PAXIP1: variants seen among roughly 807,000 people sequenced by gnomAD.
PAXIP1 encodes the protein PAX-interacting protein 1.
PAXIP1 carries 19 observed loss-of-function variants against 140.6 expected under a neutral mutation model. The ratio of observed to expected loss-of-function variants is 0.14; its 90% CI spans 0.09 to 0.20. The LOEUF (loss-of-function observed/expected upper bound fraction) is 0.20, where lower values mean the gene tolerates loss of function less well. Ranked by LOEUF, PAXIP1 falls within the 10% of genes least tolerant of loss-of-function variation. PAXIP1 has a pLI of 1.00. For missense variants in PAXIP1, 920 were observed against 1,208.6 expected, an observed-to-expected ratio of 0.76 and a Z score of 3.54; for synonymous variants, 442 against 444.6, an observed-to-expected ratio of 0.99 and a Z score of 0.07.
chr7:155,002,916 G>A lies in PAXIP1; in HGVS notation c.14C>T (p.Ala5Val), dbSNP rs1308778960. The change falls in exon 1 of 21, where the codon GCG becomes GTG. Residue 5 changes from alanine to valine, a missense_variant. Transcript: ENST00000404141. The part of the protein sequence containing the change: MSDQ[A>V]PKVPEEMFRE... Reference sequence around the variant, plus strand: ...GAACATCTCCTCAGGAACTTTGGGCGCCTGGTCCGACATGATCGCGGCGGC... The same window carrying A: ...GAACATCTCCTCAGGAACTTTGGGCACCTGGTCCGACATGATCGCGGCGGC... The A allele has an allele frequency of 1.5e-6, 2 of 1,364,052 alleles. No homozygotes were observed. The highest frequency in any genetic ancestry group is 1.9e-6 in the Non-Finnish European group (2 of 1,034,144). The allele number at this position is 1,364,052 out of a possible 1,614,324, so 84.5% of individuals were successfully genotyped here.
At position 154,961,549 on chromosome 7, in the gene PAXIP1, T is replaced by A. The variant is rs755403460; in HGVS notation, c.2227A>T (p.Asn743Tyr). ...TACTCTTTACAGATGAGGACTGTGT[T>A]GCTGCGGCATAGATAACCCGTATAT... ...AKYTGYLCRS[N>Y]TVLICKEPTG... Residue 743 changes from asparagine to tyrosine, a missense_variant, in exon 11 of 21, where the codon AAC (asparagine) becomes TAC (tyrosine). Transcript: ENST00000404141. The A allele has an allele frequency of 6.2e-7, 1 of 1,607,232 alleles. No homozygotes were observed.
Position 154,986,448 on chromosome 7 carries a change from G to A in PAXIP1, c.325-3116C>T, listed in dbSNP as rs975512523. 6.6e-6 allele frequency among the ~76,000 whole-genome samples: 1 copy of A among 152,144 alleles called. No homozygotes were observed. Among genetic ancestry groups the A allele is most frequent in the African/African-American group, 2.4e-5 (1 of 41,420 alleles). The stretch of plus-strand genomic sequence containing the variant: ...CCCAAGGCCTGACCCCTCCTAGACT[G>A]TATGTTTACTGAGAGAGAAATCGCA... On this transcript the variant is annotated intron_variant, in intron 4 of 20. Coordinates refer to ENST00000404141, the MANE Select transcript of PAXIP1 (RefSeq NM_007349.4). This position sits in a 1 kb window ranked among gnomAD's most constrained non-coding sequence, Gnocchi z 4.8.
upstream of PAXIP1, chr7:155,003,143 C>T (rs1336343597): frequency 6.6e-6 from 1 of 151,442 alleles, no homozygotes; most frequent in Non-Finnish European, 1.5e-5. Context: ...CGCGCGCGCC[C>T]TGCGGGACGC....
At chr7:154,962,224 G>A (rs1309248006) in intron 10 of PAXIP1, 97 bp downstream of exon 10, 12 of 1,340,520 alleles carry the variant, frequency 9.0e-6, no homozygotes, top group Non-Finnish European at 1.3e-5. Flanking sequence ...CTCTGACTCA[G>A]AAGCCAACGC....
Position 154,968,464 on chromosome 7 carries a change from T to C in PAXIP1, c.1737A>G (p.Gln579=). ...PPQQPPQQQQ[Q]QQPPPSPQQH... is the part of the protein sequence containing the mutation. ...GCTGAGGCGATGGTGGTGGCTGCTG[T>C]TGCTGCTGCTGCTGCGGGGGCTGCT... The change falls in exon 7 of 21, where the codon CAA becomes CAG. Residue 579 remains glutamine, a synonymous_variant. Coordinates refer to ENST00000404141, the MANE Select transcript of PAXIP1 (RefSeq NM_007349.4). 2 of 1,399,748 alleles carry C rather than the reference T, an allele frequency of 1.4e-6. No homozygotes were observed. The highest frequency in any genetic ancestry group is 9.9e-7 in the Non-Finnish European group (1 of 1,008,352). The allele number at this position is 1,399,748 out of a possible 1,614,324, so 86.7% of individuals were successfully genotyped here.
intron 20 of PAXIP1, chr7:154,944,505 C>G (rs1807839162): frequency 5.4e-6 from 1 of 183,526 alleles, no homozygotes; most frequent in Non-Finnish European, 1.1e-5. Flanking sequence ...AAAGCCCCAC[C>G]ACAAATAGCT....
chr7:154,994,695 A>T (rs1000242832), intron 2 of PAXIP1, among the ~76,000 whole-genome samples: 2 of 152,192 alleles, frequency 1.3e-5, no homozygotes, highest in Admixed American at 1.3e-4. Context: ...TTTAGATGAC[A>T]TCTAAAATTT....
intron 16 of PAXIP1, chr7:154,950,691 C>G (rs1808234039): frequency 1.3e-5 from 2 of 152,222 alleles, no homozygotes; most frequent in Admixed American, 1.3e-4. Flanking sequence ...GATGTTTTAG[C>G]AGCTTTACTG....
At chr7:154,980,777 G>A (rs1417154576) in intron 5 of PAXIP1, among the ~76,000 whole-genome samples, 1 of 152,052 alleles carries the variant, frequency 6.6e-6, no homozygotes, top group Admixed American at 6.6e-5. Context: ...AAAAAATCCT[G>A]GATGTTTTTC....
Position 154,968,926 on chromosome 7 carries a change from C to T in PAXIP1, c.1275G>A (p.Met425Ile). ...PVLHLQPQQI[M>I]QLQQQQQQQI... is the part of the protein sequence containing the mutation. The stretch of plus-strand genomic sequence containing the variant: ...GCTGCTGCTGCTGCTGCTGGAGCTG[C>T]ATTATCTGCTGGGGCTGAAGGTGTA... The change falls in exon 7 of 21, where the codon ATG (methionine) becomes ATA (isoleucine). Residue 425 changes from methionine (M) to isoleucine (I), a missense_variant. Coordinates refer to ENST00000404141, the MANE Select transcript of PAXIP1 (RefSeq NM_007349.4). 7.2e-7 allele frequency: 1 copy of T among 1,391,056 alleles called. No individual in the cohort carries two copies. The allele number at this position is 1,391,056 out of a possible 1,614,324, so 86.2% of individuals were successfully genotyped here.
chr7:154,949,329 G>A (rs1277157548), intron 16 of PAXIP1: 4 of 152,154 alleles, frequency 2.6e-5, no homozygotes, highest in African/African-American at 9.7e-5. Flanking sequence ...TGCTGGGCAG[G>A]AGCAACCACA....
At chr7:154,999,115 T>A (rs967052165) in intron 1 of PAXIP1, among the ~76,000 whole-genome samples, 11 of 152,202 alleles carry the variant, frequency 7.2e-5, no homozygotes, top group African/African-American at 2.7e-4. Flanking sequence ...GCCACGCACA[T>A]GGTGCTCCTG....
At chr7:154,987,718 ACATAATCTTTGGCATC>A in intron 4 of PAXIP1, among the ~76,000 whole-genome samples, 1 of 152,266 alleles carries the variant, frequency 6.6e-6, no homozygotes, top group Non-Finnish European at 1.5e-5. Context: ...TGAAACAATG[ACATAATCTTTGGCATC>A]CACCATGGGA....
chr7:154,981,398 T>C (rs1213949339), intron 5 of PAXIP1, among the ~76,000 whole-genome samples: 1 of 152,174 alleles, frequency 6.6e-6, no homozygotes, highest in East Asian at 1.9e-4. Flanking sequence ...TTTTTCCCTA[T>C]GTTGAATTAG....
At chr7:154,962,285 T>C (rs1253241984) in intron 10 of PAXIP1, 36 bp downstream of exon 10, 1 of 1,606,496 alleles carries the variant, frequency 6.2e-7, no homozygotes, top group Non-Finnish European at 8.5e-7. Context: ...AGTCGAAGGA[T>C]GATTTAACAA....
intron 6 of PAXIP1, among the ~76,000 whole-genome samples, chr7:154,971,349 C>A (rs1297327109): frequency 2.0e-5 from 3 of 152,208 alleles, no homozygotes; most frequent in South Asian, 2.1e-4. Flanking sequence ...TGCTGACCCA[C>A]CCCATTAAGG....
At chr7:154,974,887 G>C (rs1809496888) in intron 6 of PAXIP1, among the ~76,000 whole-genome samples, 1 of 151,486 alleles carries the variant, frequency 6.6e-6, no homozygotes, top group Non-Finnish European at 1.5e-5. Flanking sequence ...GCTCACACCT[G>C]TAATCCCAGC....
Position 154,998,818 on chromosome 7 carries a change from G to T in PAXIP1, c.82-34C>A, listed in dbSNP as rs530987158. On this transcript the variant is annotated intron_variant, in intron 1 of 20. Coordinates refer to ENST00000404141, the MANE Select transcript of PAXIP1 (RefSeq NM_007349.4). ...CAAGAAAATCCACACAAATTAAAAT[G>T]GGCAATACTGTACTGTACTCTTGAA... The T allele has an allele frequency of 1.6e-4, 248 of 1,579,694 alleles. 1 individual carries two copies. The South Asian group carries it at 2.0e-3, about 13-fold the overall frequency.
upstream of PAXIP1, chr7:155,003,228 G>C (rs966155907): frequency 7.2e-6 from 1 of 139,788 alleles, no homozygotes; most frequent in African/African-American, 2.7e-5. Context: ...CGCCTCTGCC[G>C]CCAGCCACGG....
Sources: allele counts gnomAD v4.1 joint callset (sites outside exome capture counted in the v4.1 genomes callset), GRCh38; gene constraint gnomAD v4.1.1; non-coding constraint Gnocchi (gnomAD v3.1); transcripts MANE v1.5; gene names NCBI Gene and HGNC (gene_info 2026-07-23, HGNC 2026-07-21).